Variants in C4orf50 observed in about 807,000 individuals in gnomAD.
The protein encoded by C4orf50 is uncharacterized protein C4orf50.
A neutral mutation model predicts 77.2 loss-of-function variants in C4orf50; 80 were observed. The observed-to-expected ratio is 1.04, with a 90% CI of 0.87 to 1.25. The LOEUF (loss-of-function observed/expected upper bound fraction) is 1.25. Ranked by LOEUF, C4orf50 falls within the 50% of genes most tolerant of loss-of-function variation. C4orf50 has a pLI of 0.00. For synonymous variants in C4orf50, 532 were observed against 465.3 expected, an observed-to-expected ratio of 1.14 and a Z score of -1.84; for missense variants, 1,257 against 1,152.9, an observed-to-expected ratio of 1.09 and a Z score of -1.31.
chr4:5,945,412 A>G (rs924624930), intron 7 of C4orf50, among the ~76,000 whole-genome samples: 2 of 152,194 alleles, frequency 1.3e-5, no homozygotes, highest in Non-Finnish European at 2.9e-5. Context: ...CTTATCCTGC[A>G]TTTAAGTAGC....
rs1722478414 is a variant in C4orf50 at position 6,011,138 on chromosome 4, G to T, written c.426+692C>A. ...TGCCTCCATCATCTCTCTCTCCCAT[G>T]CAGGGAGAATGGCATTCCCCAAATG... On this transcript the variant is annotated intron_variant, in intron 24 of 33. Coordinates refer to ENST00000531445, the Ensembl canonical transcript of C4orf50. The surrounding 1 kb of genome is among the most constrained non-coding windows in gnomAD (Gnocchi z 4.2). 6.6e-6 allele frequency among the ~76,000 whole-genome samples: 1 copy of T among 152,104 alleles called. No individual in the cohort carries two copies. The highest frequency in any genetic ancestry group is 1.5e-5 in the Non-Finnish European group (1 of 68,032).
In C4orf50 at chr4:5,932,355, A is replaced by G. The variant is rs577843579; in HGVS notation, c.*2474+24546T>C. Reference sequence around the variant, plus strand: ...TCAAAGAGGGAGGCAGGCAGCGGACAGCTTGCCTGGTGCTGTCCTGGTGCC... The same window carrying G: ...TCAAAGAGGGAGGCAGGCAGCGGACGGCTTGCCTGGTGCTGTCCTGGTGCC... On this transcript the variant is annotated intron_variant, in intron 7 of 7. Coordinates refer to the C4orf50 transcript ENST00000324058. This position sits in a 1 kb window ranked among gnomAD's most constrained non-coding sequence, Gnocchi z 4.2. 4.2e-4 allele frequency among the ~76,000 whole-genome samples: 64 copies of G among 152,320 alleles called. 2 individuals carry two copies. In the South Asian group the frequency reaches 0.013, roughly 31 times the overall value.
rs2152479586 is a variant in C4orf50 at position 5,900,972 on chromosome 4, G to GT, written c.*2475-2785dup. 1 of 152,330 alleles carries GT rather than the reference G, an allele frequency of 6.6e-6. No homozygotes were observed. The highest frequency in any genetic ancestry group is 1.5e-5 in the Non-Finnish European group (1 of 68,038). 9.4% of individuals were successfully genotyped at this position (152,330 alleles called of 1,614,324 possible). A position where few individuals can be genotyped will look rare whatever the true frequency, so the allele number is the denominator to read the frequency against. On this transcript the variant is annotated intron_variant, in intron 7 of 7. Coordinates refer to the C4orf50 transcript ENST00000324058. The surrounding 1 kb of genome is among the most constrained non-coding windows in gnomAD (Gnocchi z 4.3). ...GTCACCATTTGTATGTCTTGCATTT[G>GT]TTGCAGCCCATTGGTCTGCAGAGCG...
rs1453420395 is a variant in C4orf50 at position 5,901,449 on chromosome 4, G to C, written c.*2475-3261C>G. 2 of 152,186 alleles carry C rather than the reference G, an allele frequency of 1.3e-5. No homozygotes were observed. The highest frequency in any genetic ancestry group is 2.9e-5 in the Non-Finnish European group (2 of 68,044). 9.4% of individuals were successfully genotyped at this position (152,186 alleles called of 1,614,324 possible). A position where few individuals can be genotyped will look rare whatever the true frequency, so the allele number is the denominator to read the frequency against. On this transcript the variant is annotated intron_variant, in intron 7 of 7. Coordinates refer to the C4orf50 transcript ENST00000324058. This position sits in a 1 kb window ranked among gnomAD's most constrained non-coding sequence, Gnocchi z 4.4. ...CGGAGCCAATAACTTGCAGAACCCA[G>C]ATTGCAGCCTAGCTATTCTGGTCTT...
At chr4:5,954,829 A>T (rs370021125), downstream of C4orf50, among the ~76,000 whole-genome samples, 1 of 152,278 alleles carries the variant, frequency 6.6e-6, no homozygotes, top group East Asian at 1.9e-4. The surrounding 1 kb of genome is among the most constrained non-coding windows in gnomAD (Gnocchi z 4.7). Context: ...TCCAGAAAAG[A>T]CAGACCAGTG....
intron 7 of C4orf50, among the ~76,000 whole-genome samples, chr4:5,935,249 TGGACGCAGACAGAGTCA>T (rs1306476138): frequency 6.6e-6 from 1 of 152,164 alleles, no homozygotes. Flanking sequence ...CAGTTCGACA[TGGACGCAGACAGAGTCA>T]GGGAGCTGGA....
exon 28 of C4orf50, chr4:5,988,399 C>A: frequency 6.2e-7 from 1 of 1,613,674 alleles, no homozygotes; most frequent in Non-Finnish European, 8.5e-7. Context: ...CACAGAACAC[C>A]TGGGCCTCTT....
Position 5,916,846 on chromosome 4 carries a change from T to C in C4orf50, c.*2475-18658A>G, listed in dbSNP as rs1440770232. On this transcript the variant is annotated intron_variant, in intron 7 of 7. Coordinates refer to the C4orf50 transcript ENST00000324058. The surrounding 1 kb of genome is among the most constrained non-coding windows in gnomAD (Gnocchi z 4.4). ...CTGCTTGAGGTGGGCACAAGCAGAG[T>C]CTGAGCTTGCCAGCAACAAAGCACT... Among the ~76,000 whole-genome samples, 1 of 151,696 alleles carries C rather than the reference T, an allele frequency of 6.6e-6. No homozygotes were observed. The highest frequency in any genetic ancestry group is 2.4e-5 in the African/African-American group (1 of 41,276).
At chr4:5,965,261 A>G in intron 32 of C4orf50, 116 bp from the exon 11 acceptor site, 2 of 1,110,986 alleles carry the variant, frequency 1.8e-6, no homozygotes, top group South Asian at 1.7e-5. Flanking sequence ...GATCATTCCC[A>G]GTTTCCATGC....
chr4:5,920,001 G>C (rs1455267392), intron 7 of C4orf50, among the ~76,000 whole-genome samples: 2 of 152,176 alleles, frequency 1.3e-5, no homozygotes, highest in African/African-American at 4.8e-5. Flanking sequence ...ACTACTTATA[G>C]AGCATTTACA....
intron 7 of C4orf50, among the ~76,000 whole-genome samples, chr4:5,945,976 G>C (rs1357928220): frequency 6.6e-6 from 1 of 152,216 alleles, no homozygotes; most frequent in Non-Finnish European, 1.5e-5. Flanking sequence ...ACAAGGAGAA[G>C]GCTGGAGAAA....
chr4:6,011,887 G>C lies in C4orf50; in HGVS notation c.369C>G (p.Ser123Arg), dbSNP rs114880771. The C allele has an allele frequency of 0.022, 8,884 of 399,020 alleles. 127 individuals carry two copies. Among genetic ancestry groups the C allele is most frequent in the Non-Finnish European group, 0.031 (7,042 of 226,058 alleles). 24.7% of individuals were successfully genotyped at this position (399,020 alleles called of 1,614,324 possible). ...GCTTCTCCTGGGCCTGGAGCCAGGCGCTTCTCTCCTGGGCCACGTGGGTGC... is the reference window on the plus strand; with the variant it reads ...GCTTCTCCTGGGCCTGGAGCCAGGCCCTTCTCTCCTGGGCCACGTGGGTGC... Residue 123 changes from serine to arginine, a missense_variant, in exon 24 of 34, where the codon AGC becomes AGG. Transcript: ENST00000531445. The surrounding 1 kb of genome is among the most constrained non-coding windows in gnomAD (Gnocchi z 4.2).
At chr4:5,910,324 C>G (rs1238393186) in intron 7 of C4orf50, among the ~76,000 whole-genome samples, 1 of 152,208 alleles carries the variant, frequency 6.6e-6, no homozygotes, top group Non-Finnish European at 1.5e-5. Context: ...TATATTTCCT[C>G]AGGGGATAGT....
chr4:5,946,248 G>A (rs1718476390), intron 7 of C4orf50, among the ~76,000 whole-genome samples: 1 of 152,114 alleles, frequency 6.6e-6, no homozygotes, highest in Non-Finnish European at 1.5e-5. Context: ...TCCCAGGGTG[G>A]GAGGACGGCA....
In C4orf50 at chr4:5,922,222, G is replaced by T. The variant is rs1036665558; in HGVS notation, c.*2475-24034C>A. Among the ~76,000 whole-genome samples, 4 of 152,230 alleles carry T rather than the reference G, an allele frequency of 2.6e-5. 1 individual carries two copies. The highest frequency in any genetic ancestry group is 2.0e-4 in the Admixed American group (3 of 15,288). ...CCAGAGTGGTGGGCCGGGGCCCACT[G>T]CGATGCACGTGACAGTGATGCACGG... On this transcript the variant is annotated intron_variant, in intron 7 of 7. Transcript: ENST00000324058.
chr4:5,926,043 A>T (rs1717498640), intron 7 of C4orf50, among the ~76,000 whole-genome samples: 1 of 152,232 alleles, frequency 6.6e-6, no homozygotes, highest in African/African-American at 2.4e-5. Flanking sequence ...ATCCATGCGG[A>T]CGACACGATA....
chr4:5,913,783 G>A (rs566165122), intron 7 of C4orf50, among the ~76,000 whole-genome samples: 6 of 152,290 alleles, frequency 3.9e-5, no homozygotes, highest in Admixed American at 2.0e-4. Context: ...GGGCTTTCTC[G>A]CTGCATTGTC....
chr4:5,991,380 G>T (rs1306761689), intron 27 of C4orf50, among the ~76,000 whole-genome samples: 2 of 152,206 alleles, frequency 1.3e-5, no homozygotes, highest in African/African-American at 4.8e-5. Context: ...GCTGCAGAAG[G>T]CTCTCATGGA....
Position 6,018,059 on chromosome 4 carries a change from G to A in C4orf50, c.287+86C>T, listed in dbSNP as rs1722747290. On this transcript the variant is annotated intron_variant, in intron 23 of 33. Coordinates refer to ENST00000531445, the Ensembl canonical transcript of C4orf50. The surrounding 1 kb of genome is among the most constrained non-coding windows in gnomAD (Gnocchi z 5.1). ...GTGAGCCAGTTTCCCCAGCTGTGTGGTGTGATTCAACACACCATGGTGACA... is the reference window on the plus strand; with the variant it reads ...GTGAGCCAGTTTCCCCAGCTGTGTGATGTGATTCAACACACCATGGTGACA... 2 of 397,742 alleles carry A rather than the reference G, an allele frequency of 5.0e-6. No individual in the cohort carries two copies. Among genetic ancestry groups the A allele is most frequent in the Non-Finnish European group, 4.4e-6 (1 of 226,024 alleles). 24.6% of individuals were successfully genotyped at this position (397,742 alleles called of 1,614,324 possible).
Sources: allele counts gnomAD v4.1 joint callset (sites outside exome capture counted in the v4.1 genomes callset), GRCh38; gene constraint gnomAD v4.1.1; non-coding constraint Gnocchi (gnomAD v3.1); transcripts MANE v1.5; gene names NCBI Gene and HGNC (gene_info 2026-07-23, HGNC 2026-07-21).